Variants in LRMDA observed in about 807,000 individuals in gnomAD.
The protein encoded by LRMDA is leucine-rich melanocyte differentiation-associated protein.
A neutral mutation model predicts 29.8 loss-of-function variants in LRMDA; 18 were observed. The ratio of observed to expected loss-of-function variants is 0.60; its 90% CI spans 0.42 to 0.90. The LOEUF is 0.90. Among genes scored for constraint, LRMDA ranks in the 40% least tolerant of loss-of-function variants. The probability of loss-of-function intolerance (pLI) is 0.00; values close to 1 mark genes in which losing one functional copy is unlikely to be tolerated. For synonymous variants in LRMDA, 125 were observed against 109.4 expected (o/e 1.14, Z -0.89); for missense variants, 273 against 273.9 (o/e 1.00, Z 0.02).
chr10:76,351,825 C>T (rs1477340048), intron 6 of LRMDA, among the ~76,000 whole-genome samples: 1 of 152,100 alleles, frequency 6.6e-6, no homozygotes. Context: ...ACAGAACTCA[C>T]TAGGCCGGAC....
rs531021639 is a variant in LRMDA, at chr10:75,513,243, G to A, written c.131+74749G>A. Among the ~76,000 whole-genome samples the A allele has an allele frequency of 7.2e-4, 109 of 152,220 alleles. 1 individual carries two copies. The highest frequency in any genetic ancestry group is 2.6e-3 in the African/African-American group (107 of 41,534). On this transcript the variant is annotated intron_variant, in intron 2 of 6. Transcript: ENST00000611255. ...ACTTCAGGGTTGATTTTTGTTTCTCGTTCCATTCCATTACGTGCATGCTTG... is the reference window on the plus strand; with the variant it reads ...ACTTCAGGGTTGATTTTTGTTTCTCATTCCATTCCATTACGTGCATGCTTG...
rs535922822 is a variant in LRMDA, at chr10:75,983,565, T to C, written c.132-52443T>C. Reference sequence around the variant, plus strand: ...CCTTCATTAGCTCTCACTTACAAGTTATACATTTTCAAATATAATATGCGT... The same window carrying C: ...CCTTCATTAGCTCTCACTTACAAGTCATACATTTTCAAATATAATATGCGT... On this transcript the variant is annotated intron_variant, in intron 2 of 6. Coordinates refer to ENST00000611255, the MANE Select transcript of LRMDA (RefSeq NM_001305581.2). Among the ~76,000 whole-genome samples the C allele has an allele frequency of 2.0e-5, 3 of 152,334 alleles. No individual in the cohort carries two copies. In the South Asian group the frequency reaches 6.2e-4, roughly 32 times the overall value.
intron 6 of LRMDA, among the ~76,000 whole-genome samples, chr10:76,521,430 A>G (rs1843120346): frequency 6.6e-6 from 1 of 152,194 alleles, no homozygotes; most frequent in Non-Finnish European, 1.5e-5. Context: ...CACCGCGCCC[A>G]GCCCCATTAT....
intron 6 of LRMDA, among the ~76,000 whole-genome samples, chr10:76,498,541 C>A (rs72642265): frequency 0.073 from 5,498 of 75,556 alleles, 1,842 homozygotes; most frequent in African/African-American, 0.13. Flanking sequence ...TTTCCTCAAG[C>A]CTTTTCCTAT....
At chr10:75,585,292 A>G (rs1209823577) in intron 2 of LRMDA, among the ~76,000 whole-genome samples, 1 of 152,252 alleles carries the variant, frequency 6.6e-6, no homozygotes, top group Non-Finnish European at 1.5e-5. Flanking sequence ...GTTCAACACA[A>G]TATCTGTTGG....
At chr10:76,378,092 G>A (rs1367092124) in intron 6 of LRMDA, among the ~76,000 whole-genome samples, 1 of 151,948 alleles carries the variant, frequency 6.6e-6, no homozygotes, top group East Asian at 1.9e-4. Flanking sequence ...TTTTGTTAGA[G>A]ATCTTTTACC....
chr10:76,556,927 A>C (rs528008599), intron 6 of LRMDA, among the ~76,000 whole-genome samples: 4 of 152,294 alleles, frequency 2.6e-5, no homozygotes, highest in African/African-American at 9.6e-5. Context: ...TAATTGGCCA[A>C]ATTAGAAAAG....
chr10:76,259,827 A>C (rs1411212273), intron 5 of LRMDA, among the ~76,000 whole-genome samples: 1 of 152,094 alleles, frequency 6.6e-6, no homozygotes. Flanking sequence ...TTATCATATA[A>C]TATCCTTCTT....
chr10:76,485,512 A>T (rs559970757), intron 6 of LRMDA, among the ~76,000 whole-genome samples: 4 of 151,902 alleles, frequency 2.6e-5, no homozygotes, highest in Non-Finnish European at 5.9e-5. Context: ...TGCTACTATT[A>T]TTACATTAAC....
At chr10:76,455,653 C>A (rs1589194685) in intron 6 of LRMDA, among the ~76,000 whole-genome samples, 1 of 152,288 alleles carries the variant, frequency 6.6e-6, no homozygotes, top group East Asian at 1.9e-4. Flanking sequence ...TATCACTTCT[C>A]TGGGAGACAA....
At chr10:75,629,229 T>C (rs1209387076) in intron 2 of LRMDA, among the ~76,000 whole-genome samples, 2 of 152,192 alleles carry the variant, frequency 1.3e-5, no homozygotes, top group African/African-American at 4.8e-5. Context: ...AAAAAGGCCC[T>C]GCAGTCATCA....
At position 75,842,717 on chromosome 10, in the gene LRMDA, G is replaced by A. The variant is rs1009531279; in HGVS notation, c.132-193291G>A. Among the ~76,000 whole-genome samples, 6 of 152,134 alleles carry A rather than the reference G, an allele frequency of 3.9e-5. No homozygotes were observed. In the East Asian group the frequency reaches 5.8e-4, roughly 15 times the overall value. Reference sequence around the variant, plus strand: ...GCTGGGTCACCATGTCAAATATAACGTGGGTCATGGCCCAAAGAGGTGGAA... The same window carrying A: ...GCTGGGTCACCATGTCAAATATAACATGGGTCATGGCCCAAAGAGGTGGAA... On this transcript the variant is annotated intron_variant, in intron 2 of 6. Transcript: ENST00000611255.
intron 2 of LRMDA, among the ~76,000 whole-genome samples, chr10:75,716,850 G>T (rs1305331563): frequency 2.6e-5 from 4 of 152,176 alleles, no homozygotes; most frequent in African/African-American, 9.7e-5. Flanking sequence ...TTTGACCTTG[G>T]TGGAACAGGC....
intron 2 of LRMDA, among the ~76,000 whole-genome samples, chr10:75,978,458 C>T (rs948980702): frequency 6.6e-6 from 1 of 152,172 alleles, no homozygotes; most frequent in Non-Finnish European, 1.5e-5. Flanking sequence ...GCAAGTCCCA[C>T]GTAAGACATT....
chr10:76,434,886 T>C (rs1842229569), intron 6 of LRMDA, among the ~76,000 whole-genome samples: 1 of 152,180 alleles, frequency 6.6e-6, no homozygotes, highest in African/African-American at 2.4e-5. Flanking sequence ...TTGTATTCAT[T>C]TGTAGATTAA....
At chr10:75,945,748 G>A (rs868355035) in intron 2 of LRMDA, among the ~76,000 whole-genome samples, 4 of 152,042 alleles carry the variant, frequency 2.6e-5, no homozygotes, top group Non-Finnish European at 4.4e-5. Context: ...TTTACTCTGG[G>A]CAGCTACATT....
intron 6 of LRMDA, among the ~76,000 whole-genome samples, chr10:76,540,532 A>G (rs143706915): frequency 9.4e-4 from 143 of 152,328 alleles, no homozygotes; most frequent in Non-Finnish European, 1.9e-3. Context: ...GTGCTCACAC[A>G]TCATTTAAAA....
intron 2 of LRMDA, among the ~76,000 whole-genome samples, chr10:75,623,555 G>A (rs1841213896): frequency 1.3e-5 from 2 of 152,194 alleles, no homozygotes; most frequent in African/African-American, 4.8e-5. Flanking sequence ...ACTGACTGCA[G>A]GAGCTCAGCG....
chr10:75,546,841 TTAAATCTATG>T (rs1331002056), intron 2 of LRMDA, among the ~76,000 whole-genome samples: 10 of 152,216 alleles, frequency 6.6e-5, no homozygotes, highest in Non-Finnish European at 1.2e-4. Context: ...TTTAATAATG[TTAAATCTATG>T]TAAATCTATG....
Sources: allele counts gnomAD v4.1 joint callset (sites outside exome capture counted in the v4.1 genomes callset), GRCh38; gene constraint gnomAD v4.1.1; transcripts MANE v1.5; gene names NCBI Gene and HGNC (gene_info 2026-07-23, HGNC 2026-07-21).